Variants in SHOC2 observed in about 807,000 individuals in gnomAD.
The protein encoded by SHOC2 is SHOC2 leucine rich repeat scaffold protein.
A neutral mutation model predicts 50.2 loss-of-function variants in SHOC2; 4 were observed. That is an observed-to-expected ratio of 0.08 (90% CI 0.04 to 0.18). The LOEUF is 0.18. SHOC2 is among the 10% of genes least tolerant of loss of function. The pLI is 1.00. For missense variants in SHOC2, 388 were observed against 669.6 expected, an observed-to-expected ratio of 0.58 and a Z score of 4.64; for synonymous variants, 218 against 244.5, an observed-to-expected ratio of 0.89 and a Z score of 1.01.
At chr10:110,936,573 A>C in intron 1 of SHOC2, 2 of 512,040 alleles carry the variant, frequency 3.9e-6, no homozygotes, top group Non-Finnish European at 3.3e-6. Flanking sequence ...AGGAAAGGGC[A>C]TGTCCTTTTC....
intron 2 of SHOC2, among the ~76,000 whole-genome samples, chr10:110,982,792 A>G (rs10885073): frequency 0.052 from 7,899 of 152,100 alleles, 206 homozygotes; most frequent in Middle Eastern, 0.092. Context: ...AGAGACATTG[A>G]TTTATAGTTT....
chr10:110,981,876 T>TTTTTTTTATACTC (rs369735711), intron 2 of SHOC2, among the ~76,000 whole-genome samples: 1 of 135,412 alleles, frequency 7.4e-6, no homozygotes, highest in African/African-American at 2.7e-5. Context: ...ATTTATTTTT[T>TTTTTTTTATACTC]TAAGTTTTAG....
intron 1 of SHOC2, among the ~76,000 whole-genome samples, chr10:110,924,210 A>G (rs911803311): frequency 4.6e-5 from 7 of 152,236 alleles, no homozygotes; most frequent in Non-Finnish European, 8.8e-5. Flanking sequence ...CTGTGGATAC[A>G]GAGATAAATA....
chr10:110,965,655 G>T (rs1564715142), intron 2 of SHOC2, among the ~76,000 whole-genome samples: 2 of 152,102 alleles, frequency 1.3e-5, no homozygotes, highest in Non-Finnish European at 2.9e-5. Context: ...AGTGAATGCA[G>T]CACTGTTACC....
At chr10:110,968,315 T>C (rs1847716640) in intron 2 of SHOC2, among the ~76,000 whole-genome samples, 1 of 151,704 alleles carries the variant, frequency 6.6e-6, no homozygotes, top group Non-Finnish European at 1.5e-5. Context: ...GGGTTTTTAA[T>C]TTAAAAGAAG....
chr10:110,934,366 C>T (rs191553365), intron 1 of SHOC2, among the ~76,000 whole-genome samples: 1 of 152,112 alleles, frequency 6.6e-6, no homozygotes, highest in East Asian at 1.9e-4. Context: ...ATGATATAGC[C>T]ATATCACAAA....
At chr10:110,999,854 C>T (rs1848337585) in intron 3 of SHOC2, among the ~76,000 whole-genome samples, 2 of 150,344 alleles carry the variant, frequency 1.3e-5, no homozygotes, top group African/African-American at 2.4e-5. Flanking sequence ...GAGACTATAA[C>T]TTTCACTTTG....
intron 1 of SHOC2, among the ~76,000 whole-genome samples, chr10:110,945,162 T>C (rs564121721): frequency 6.6e-6 from 1 of 152,222 alleles, no homozygotes; most frequent in Non-Finnish European, 1.5e-5. Context: ...TAAAACACTT[T>C]CCTGTAATTT....
Position 110,956,128 on chromosome 10 carries a change from T to A in SHOC2, c.-234-7997T>A, listed in dbSNP as rs1280431239. On this transcript the variant is annotated intron_variant, in intron 1 of 8. Transcript: ENST00000369452. ...TCACCTGTAATAGCTTCCTCTGGTATCTGCATGTGCCTAATTGCCTGAAAT... is the reference window on the plus strand; with the variant it reads ...TCACCTGTAATAGCTTCCTCTGGTAACTGCATGTGCCTAATTGCCTGAAAT... 2.0e-5 allele frequency among the ~76,000 whole-genome samples: 3 copies of A among 152,156 alleles called. No homozygotes were observed. The East Asian group carries it at 5.8e-4, about 29-fold the overall frequency.
chr10:110,958,521 A>G (rs981666130), intron 1 of SHOC2, among the ~76,000 whole-genome samples: 1 of 151,834 alleles, frequency 6.6e-6, no homozygotes, highest in Non-Finnish European at 1.5e-5. Flanking sequence ...CCATCCATCC[A>G]TTTCTAAATA....
chr10:110,919,858 C>G (rs1176196614), intron 1 of SHOC2: 7 of 369,034 alleles, frequency 1.9e-5, no homozygotes, highest in Non-Finnish European at 3.4e-5. Context: ...TGGTTGCTGT[C>G]TCCGGGAGTG....
At chr10:110,970,639 A>G (rs137971776) in intron 2 of SHOC2, among the ~76,000 whole-genome samples, 42 of 151,438 alleles carry the variant, frequency 2.8e-4, no homozygotes, top group African/African-American at 9.9e-4. Flanking sequence ...GTACCAATTT[A>G]TGGTACACCC....
chr10:110,991,753 G>T (rs558976785), intron 3 of SHOC2, among the ~76,000 whole-genome samples: 2 of 152,222 alleles, frequency 1.3e-5, no homozygotes, highest in African/African-American at 4.8e-5. Flanking sequence ...AGTTTTAATT[G>T]ACCTTTGAGA....
Position 110,938,298 on chromosome 10 carries a change from T to A in SHOC2, c.-235+18641T>A, listed in dbSNP as rs116415830. 6.5e-3 allele frequency among the ~76,000 whole-genome samples: 983 copies of A among 152,302 alleles called. 8 individuals carry two copies. The highest frequency in any genetic ancestry group is 0.023 in the African/African-American group (941 of 41,562). On this transcript the variant is annotated intron_variant, in intron 1 of 8. Coordinates refer to ENST00000369452, the MANE Select transcript of SHOC2 (RefSeq NM_007373.4). ...AGTATTTTTTCCACCCCATTTCTTT[T>A]ATGTGACTGACTGTATATTTCTTAG...
At chr10:110,994,110 ATT>A (rs759677179) in intron 3 of SHOC2, among the ~76,000 whole-genome samples, 1 of 147,910 alleles carries the variant, frequency 6.8e-6, no homozygotes, top group Non-Finnish European at 1.5e-5. Flanking sequence ...GTTTACTTCC[ATT>A]TTTTTTTTTA....
intron 2 of SHOC2, among the ~76,000 whole-genome samples, chr10:110,984,618 T>G (rs1848043818): frequency 6.6e-6 from 1 of 152,106 alleles, no homozygotes. Context: ...AACCTCTGCC[T>G]TAAAAAATAA....
At position 110,985,687 on chromosome 10, in the gene SHOC2, A is replaced by G. The variant is rs750303150; in HGVS notation, c.763A>G (p.Lys255Glu). 6 of 1,612,660 alleles carry G rather than the reference A, an allele frequency of 3.7e-6. No individual in the cohort carries two copies. In the African/African-American group the frequency reaches 6.7e-5, roughly 18 times the overall value. ...VAHNQLEHLP[K>E]EIGNCTQITN... ...TCACAATCAACTTGAACACCTTCCA[A>G]AGGAGATTGGAAACTGTACACAGAT... The change falls in exon 3 of 9, where the codon AAG becomes GAG. Residue 255 changes from lysine (K) to glutamate (E), a missense_variant. Transcript: ENST00000369452.
rs369588373 is a variant in SHOC2, at chr10:111,004,508, C to G, written c.973-98C>G. Reference sequence around the variant, plus strand: ...ACCAGTCTCTGTCATTTGTCACCCCCCAAAGCCCTTTGAGGCATTTGTGTT... The same window carrying G: ...ACCAGTCTCTGTCATTTGTCACCCCGCAAAGCCCTTTGAGGCATTTGTGTT... On this transcript the variant is annotated intron_variant, in intron 4 of 8. Transcript: ENST00000369452. 135 of 843,830 alleles carry G rather than the reference C, an allele frequency of 1.6e-4. No individual in the cohort carries two copies. In the African/African-American group the frequency reaches 2.0e-3, roughly 13 times the overall value. 52.3% of individuals were successfully genotyped at this position (843,830 alleles called of 1,614,324 possible). A position where few individuals can be genotyped will look rare whatever the true frequency, so the allele number is the denominator to read the frequency against.
At chr10:110,920,903 A>T (rs1846630107) in intron 1 of SHOC2, among the ~76,000 whole-genome samples, 1 of 152,190 alleles carries the variant, frequency 6.6e-6, no homozygotes, top group South Asian at 2.1e-4. Context: ...TTAGATACCG[A>T]GTGCGTCTAG....
Sources: gnomAD v4.1 joint callset for allele counts (sites outside exome capture counted in the v4.1 genomes callset) on GRCh38, gnomAD v4.1.1 for gene constraint, MANE v1.5 for transcripts, NCBI Gene and HGNC (gene_info 2026-07-23, HGNC 2026-07-21) for gene names.